DBT: variants seen among roughly 807,000 people sequenced by gnomAD.
DBT encodes dihydrolipoamide branched chain transacylase E2.
Under a neutral mutation model 51.3 loss-of-function variants are expected in DBT, and 40 were observed. The ratio of observed to expected loss-of-function variants is 0.78; its 90% CI spans 0.61 to 1.02. The LOEUF is 1.02. DBT is among the 50% of genes least tolerant of loss of function. DBT has a pLI of 0.00. For missense variants in DBT, 510 were observed against 580.2 expected, an observed-to-expected ratio of 0.88 and a Z score of 1.24; for synonymous variants, 181 against 190.4, an observed-to-expected ratio of 0.95 and a Z score of 0.41.
chr1:100,199,323 G>A (rs1661295360), intron 10 of DBT, among the ~76,000 whole-genome samples: 1 of 152,152 alleles, frequency 6.6e-6, no homozygotes, highest in Admixed American at 6.5e-5. Flanking sequence ...AGTGATTCCT[G>A]AGCAAAGAAT....
At chr1:100,202,220 G>A (rs915350759) in intron 10 of DBT, among the ~76,000 whole-genome samples, 22 of 151,828 alleles carry the variant, frequency 1.4e-4, no homozygotes, top group African/African-American at 5.1e-4. Flanking sequence ...GATTTACCAA[G>A]CAAGTGGAAA....
chr1:100,240,382 G>A (rs943594124), intron 2 of DBT, among the ~76,000 whole-genome samples: 2 of 152,086 alleles, frequency 1.3e-5, no homozygotes, highest in African/African-American at 4.8e-5. Context: ...AGACACAAGT[G>A]CTGGGCGAGA....
At chr1:100,226,632 C>T (rs1316807456) in intron 4 of DBT, among the ~76,000 whole-genome samples, 1 of 152,044 alleles carries the variant, frequency 6.6e-6, no homozygotes, top group Non-Finnish European at 1.5e-5. Flanking sequence ...TAGGAAGCAC[C>T]CCTAACGCCC....
In DBT at chr1:100,222,335, T is replaced by G. The variant is rs1557952309; in HGVS notation, c.434-3588A>C. Among the ~76,000 whole-genome samples the G allele has an allele frequency of 2.6e-5, 4 of 152,228 alleles. 1 individual carries two copies. The highest frequency in any genetic ancestry group is 1.3e-4 in the Admixed American group (2 of 15,278). On this transcript the variant is annotated intron_variant, in intron 4 of 10. Transcript: ENST00000370132. Reference sequence around the variant, plus strand: ...CAATATTATAAAATCTATATATTTGTAAACTAAACTGTGTTGTTGTAGCAG... The same window carrying G: ...CAATATTATAAAATCTATATATTTGGAAACTAAACTGTGTTGTTGTAGCAG...
At chr1:100,246,555 T>C (rs896396420) in intron 1 of DBT, among the ~76,000 whole-genome samples, 8 of 152,232 alleles carry the variant, frequency 5.3e-5, no homozygotes, top group Admixed American at 3.9e-4. Flanking sequence ...CATTATGTCC[T>C]AGGGAAATGT....
At chr1:100,214,792 C>T in intron 7 of DBT, 25 bp downstream of exon 7, 2 of 1,611,118 alleles carry the variant, frequency 1.2e-6, no homozygotes, top group Non-Finnish European at 1.7e-6. Context: ...CTACTCAAGC[C>T]TTGTTTGAAA....
In DBT at chr1:100,192,888, T is replaced by C. The variant is rs1338045293; in HGVS notation, c.*3367A>G. On this transcript the variant is annotated 3_prime_UTR_variant, in exon 11 of 11. Transcript: ENST00000370132. The stretch of plus-strand genomic sequence containing the variant: ...ACCTTCTAATCTCCAGACATGTTAG[T>C]AAAGGACTTGAATTTTCTGGCTTTT... 1 of 152,234 alleles carries C rather than the reference T, an allele frequency of 6.6e-6. No homozygotes were observed. Among genetic ancestry groups the C allele is most frequent in the African/African-American group, 2.4e-5 (1 of 41,462 alleles). The allele number at this position is 152,234 out of a possible 1,614,324, so 9.4% of individuals were successfully genotyped here.
At chr1:100,229,861 T>G (rs560114482) in intron 4 of DBT, among the ~76,000 whole-genome samples, 54 of 152,370 alleles carry the variant, frequency 3.5e-4, no homozygotes, top group African/African-American at 1.2e-3. Flanking sequence ...CCAACTGTTT[T>G]AGTTTTCCTC....
At chr1:100,196,457 A>AT in intron 10 of DBT, 35 bp from the exon 11 acceptor site, 1 of 1,480,910 alleles carries the variant, frequency 6.8e-7, no homozygotes, top group Non-Finnish European at 9.2e-7. Context: ...AAAAAAAAAA[A>AT]AAGAACAAAG....
At chr1:100,208,825 A>G (rs1329254822) in intron 8 of DBT, among the ~76,000 whole-genome samples, 1 of 150,530 alleles carries the variant, frequency 6.6e-6, no homozygotes, top group Non-Finnish European at 1.5e-5. Flanking sequence ...GGAGGTGGAC[A>G]CTGCAGTGAG....
chr1:100,221,395 G>A (rs1001807685), intron 4 of DBT, among the ~76,000 whole-genome samples: 2 of 152,028 alleles, frequency 1.3e-5, no homozygotes, highest in Non-Finnish European at 2.9e-5. Flanking sequence ...ACGTTGCCCA[G>A]GCTGGTCTTG....
chr1:100,232,292 G>GGTT lies in DBT; in HGVS notation c.252-1381_252-1379dup, dbSNP rs35509059. On this transcript the variant is annotated intron_variant, in intron 3 of 10. Transcript: ENST00000370132. ...CCCATCATAAGTCAAGGAGCATCTG[G>GGTT]GTTGTTGTTGTTGTTGTTGTTGTTG... Among the ~76,000 whole-genome samples, 1,407 of 150,606 alleles carry GGTT rather than the reference G, an allele frequency of 9.3e-3. 24 individuals are homozygous for GGTT. The highest frequency in any genetic ancestry group is 0.032 in the African/African-American group (1,328 of 40,984).
chr1:100,206,372 T>C lies in DBT; in HGVS notation c.1210-71A>G, dbSNP rs941995888. 7.7e-6 allele frequency: 12 copies of C among 1,561,764 alleles called. No homozygotes were observed. The Admixed American group carries it at 1.5e-4, about 20-fold the overall frequency. ...TTTCAGGGAACAAATGCCAAGTGAC[T>C]TTTCTATTTTTAATTAAGCATATGA... On this transcript the variant is annotated intron_variant, in intron 9 of 10. Coordinates refer to ENST00000370132, the MANE Select transcript of DBT (RefSeq NM_001918.5).
Position 100,218,707 on chromosome 1 carries a change from A to G in DBT, c.474T>C (p.His158=), listed in dbSNP as rs2100804457. The G allele has an allele frequency of 6.2e-7, 1 of 1,614,024 alleles. No individual in the cohort carries two copies. Among genetic ancestry groups the G allele is most frequent in the East Asian group, 2.2e-5 (1 of 44,868 alleles). ...TTATCTCTTGGTGTGTATGTTCATCATGAGACACTGCAGGAGTTTCAACAA... is the reference window on the plus strand; with the variant it reads ...TTATCTCTTGGTGTGTATGTTCATCGTGAGACACTGCAGGAGTTTCAACAA... ...EDVVETPAVS[H]DEHTHQEIKG... is the part of the protein sequence containing the mutation. The change falls in exon 5 of 11, where the codon CAT becomes CAC. Residue 158 remains histidine, a synonymous_variant. Coordinates refer to ENST00000370132, the MANE Select transcript of DBT (RefSeq NM_001918.5).
intron 7 of DBT, chr1:100,210,994 G>A (rs1367474981): frequency 1.2e-6 from 1 of 823,096 alleles, no homozygotes; most frequent in Admixed American, 2.2e-5. Flanking sequence ...AAAGTAGTCA[G>A]GTAGCTTGTA....
intron 7 of DBT, chr1:100,213,665 G>A (rs527655525): frequency 6.2e-7 from 1 of 1,610,540 alleles, no homozygotes; most frequent in Non-Finnish European, 8.5e-7. Flanking sequence ...AGCCACCTTC[G>A]CTTAAAGGGA....
At chr1:100,198,148 G>A (rs1364283876) in intron 10 of DBT, among the ~76,000 whole-genome samples, 1 of 152,010 alleles carries the variant, frequency 6.6e-6, no homozygotes, top group Non-Finnish European at 1.5e-5. Context: ...ACAAAACATG[G>A]CATACATTTA....
chr1:100,210,561 T>C, intron 8 of DBT, 133 bp downstream of exon 8: 1 of 1,209,184 alleles, frequency 8.3e-7, no homozygotes, highest in Non-Finnish European at 1.2e-6. Context: ...TTAAGTTTAA[T>C]GTTTTACCCC....
intron 7 of DBT, chr1:100,213,429 T>C: frequency 6.3e-7 from 1 of 1,582,454 alleles, no homozygotes; most frequent in South Asian, 1.1e-5. Context: ...TCCTACCTCG[T>C]CACACGGACA....
Sources: allele counts gnomAD v4.1 joint callset (sites outside exome capture counted in the v4.1 genomes callset), GRCh38; gene constraint gnomAD v4.1.1; transcripts MANE v1.5; gene names NCBI Gene and HGNC (gene_info 2026-07-23, HGNC 2026-07-21).